PRKAR1B: variants seen among roughly 807,000 people sequenced by gnomAD.
PRKAR1B encodes the protein protein kinase cAMP-dependent type I regulatory subunit beta, also known as cAMP-dependent protein kinase type I-beta regulatory subunit.
Under a neutral mutation model 46.5 loss-of-function variants are expected in PRKAR1B, and 22 were observed. That is an observed-to-expected ratio of 0.47 (90% CI 0.34 to 0.68). The LOEUF (loss-of-function observed/expected upper bound fraction) is 0.68. Among genes scored for constraint, PRKAR1B ranks in the 30% least tolerant of loss-of-function variants. The pLI, the probability that PRKAR1B is intolerant of heterozygous loss-of-function variation, is 0.01. For synonymous variants in PRKAR1B, 259 were observed against 217.7 expected, an observed-to-expected ratio of 1.19 and a Z score of -1.67; for missense variants, 445 against 535.6, an observed-to-expected ratio of 0.83 and a Z score of 1.67.
intron 4 of PRKAR1B, among the ~76,000 whole-genome samples, chr7:648,760 T>C (rs1784746424): frequency 6.6e-6 from 1 of 151,984 alleles, no homozygotes. Flanking sequence ...CCAGCCTGGG[T>C]GACAAGAGTA....
chr7:619,422 C>G (rs944150098), intron 4 of PRKAR1B, among the ~76,000 whole-genome samples: 6 of 152,222 alleles, frequency 3.9e-5, no homozygotes, highest in Non-Finnish European at 8.8e-5. Context: ...TCACAACAAC[C>G]TTGTGGCATA....
intron 4 of PRKAR1B, among the ~76,000 whole-genome samples, chr7:625,030 A>T (rs1783308714): frequency 6.6e-6 from 1 of 152,230 alleles, no homozygotes; most frequent in African/African-American, 2.4e-5. Context: ...ATCCCTGAAC[A>T]AATGTAAAAG....
rs1377686546 is a variant in PRKAR1B at position 550,488 on chromosome 7, G to C, written c.1088C>G (p.Ser363Cys). 1 of 1,599,342 alleles carries C rather than the reference G, an allele frequency of 6.3e-7. No individual in the cohort carries two copies. ...PRFERVLGPC[S>C]EILKRNIQRY... The stretch of plus-strand genomic sequence containing the variant: ...CTGAATGTTCCTCTTGAGGATCTCA[G>C]AGCAGGGCCCCAGCACACGCTCGAA... Residue 363 changes from serine (S) to cysteine (C), a missense_variant, in exon 11 of 11, where the codon TCT (serine) becomes TGT (cysteine). Around this residue, in one of 5 missense-constraint regions of PRKAR1B, gnomAD observed 127 missense variants for 138.0 expected, o/e 0.92. Coordinates refer to ENST00000537384, the MANE Select transcript of PRKAR1B (RefSeq NM_001164760.2).
intron 1 of PRKAR1B, among the ~76,000 whole-genome samples, chr7:726,315 C>A (rs551337774): frequency 1.3e-5 from 2 of 152,198 alleles, no homozygotes; most frequent in Non-Finnish European, 2.9e-5. Context: ...CTTCCCAAAG[C>A]CAGAGGGGCT....
intron 7 of PRKAR1B, among the ~76,000 whole-genome samples, chr7:587,917 T>A (rs1780690497): frequency 1.3e-5 from 2 of 152,052 alleles, no homozygotes; most frequent in Admixed American, 1.3e-4. Flanking sequence ...CAAGCTCCAG[T>A]GAAATGGGGG....
At chr7:723,488 A>G (rs369309800) in intron 1 of PRKAR1B, among the ~76,000 whole-genome samples, 1 of 152,100 alleles carries the variant, frequency 6.6e-6, no homozygotes, top group South Asian at 2.1e-4. Context: ...CCGTCTGTCA[A>G]CTCTCAAGCT....
intron 9 of PRKAR1B, among the ~76,000 whole-genome samples, chr7:571,386 G>A (rs1442082821): frequency 6.6e-6 from 1 of 152,334 alleles, no homozygotes; most frequent in East Asian, 1.9e-4. Context: ...AGCGACCCGT[G>A]GATTTTGAAC....
rs534730137 is a variant in PRKAR1B at position 612,716 on chromosome 7, C to A, written c.441-5264G>T. 1.2e-4 allele frequency among the ~76,000 whole-genome samples: 18 copies of A among 152,320 alleles called. No homozygotes were observed. In the South Asian group the frequency reaches 2.3e-3, roughly 19 times the overall value. ...CAAATATCAAAAGCTGCTGGAGTGG[C>A]CACCCTTGGGACCCTCAGTTCCACA... On this transcript the variant is annotated intron_variant, in intron 4 of 10. Transcript: ENST00000537384.
intron 4 of PRKAR1B, among the ~76,000 whole-genome samples, chr7:630,586 G>A (rs940160356): frequency 7.9e-5 from 12 of 152,228 alleles, no homozygotes; most frequent in Admixed American, 2.6e-4. Flanking sequence ...TCTAAGTGAA[G>A]AGACATAGCT....
chr7:570,126 C>T (rs558472553), intron 9 of PRKAR1B, among the ~76,000 whole-genome samples: 11 of 152,226 alleles, frequency 7.2e-5, no homozygotes, highest in Admixed American at 2.6e-4. Flanking sequence ...AGGCCAAGCC[C>T]GGCACCTCGG....
chr7:650,729 G>A (rs1562589395), intron 4 of PRKAR1B, among the ~76,000 whole-genome samples: 1 of 152,222 alleles, frequency 6.6e-6, no homozygotes, highest in Non-Finnish European at 1.5e-5. Flanking sequence ...AGCTCAGAGA[G>A]GTCATGTCAT....
At position 549,857 on chromosome 7, in the gene PRKAR1B, C is replaced by T. The variant is rs1394327582; in HGVS notation, c.*573G>A. 2 of 155,930 alleles carry T rather than the reference C, an allele frequency of 1.3e-5. No individual in the cohort carries two copies. Among genetic ancestry groups the T allele is most frequent in the Admixed American group, 1.2e-4 (2 of 16,266 alleles). 9.7% of individuals were successfully genotyped at this position (155,930 alleles called of 1,614,324 possible). A position where few individuals can be genotyped will look rare whatever the true frequency, so the allele number is the denominator to read the frequency against. ...TCAGAGACTCTCCCACTCCGGCATCCGCAGCAGGGCCCCCGGGGGAGGTGG... is the reference window on the plus strand; with the variant it reads ...TCAGAGACTCTCCCACTCCGGCATCTGCAGCAGGGCCCCCGGGGGAGGTGG... On this transcript the variant is annotated 3_prime_UTR_variant, in exon 11 of 11. Transcript: ENST00000537384.
chr7:640,205 A>T (rs1318479800), intron 4 of PRKAR1B, among the ~76,000 whole-genome samples: 1 of 152,098 alleles, frequency 6.6e-6, no homozygotes, highest in Non-Finnish European at 1.5e-5. Context: ...CAAAATAAAA[A>T]TTTTTGCACT....
intron 4 of PRKAR1B, among the ~76,000 whole-genome samples, chr7:671,201 T>C (rs1786236732): frequency 1.3e-5 from 2 of 150,564 alleles, no homozygotes; most frequent in South Asian, 4.3e-4. Flanking sequence ...TTCATCGAGC[T>C]CCGCAGAATT....
intron 4 of PRKAR1B, among the ~76,000 whole-genome samples, chr7:612,624 G>C (rs1782586129): frequency 6.6e-6 from 1 of 152,130 alleles, no homozygotes; most frequent in Admixed American, 6.5e-5. Flanking sequence ...AGGGAAAAGT[G>C]AATGAAAAAA....
rs1002372213 is a variant in PRKAR1B at position 644,909 on chromosome 7, C to G, written c.440+32320G>C. Among the ~76,000 whole-genome samples the G allele has an allele frequency of 6.6e-6, 1 of 152,208 alleles. No homozygotes were observed. Among genetic ancestry groups the G allele is most frequent in the African/African-American group, 2.4e-5 (1 of 41,458 alleles). On this transcript the variant is annotated intron_variant, in intron 4 of 10. Transcript: ENST00000537384. This position sits in a 1 kb window ranked among gnomAD's most constrained non-coding sequence, Gnocchi z 4.9. ...TCAGAGGCCGCCCAGGCCACCCCGT[C>G]TCACGATGGGGAGATGTGAGACCCT...
At chr7:615,619 C>T (rs546086403) in intron 4 of PRKAR1B, among the ~76,000 whole-genome samples, 7 of 151,144 alleles carry the variant, frequency 4.6e-5, no homozygotes, top group East Asian at 2.0e-4. Context: ...GGGCGGATCA[C>T]GAGGTCAGGA....
intron 9 of PRKAR1B, among the ~76,000 whole-genome samples, chr7:575,847 G>A (rs1272534535): frequency 6.6e-6 from 1 of 152,172 alleles, no homozygotes; most frequent in African/African-American, 2.4e-5. Context: ...CAAAGTGCTG[G>A]GATTACAGCA....
At chr7:561,049 T>C (rs1778755406) in intron 9 of PRKAR1B, among the ~76,000 whole-genome samples, 1 of 151,794 alleles carries the variant, frequency 6.6e-6, no homozygotes, top group Admixed American at 6.6e-5. Flanking sequence ...TACACACAGA[T>C]GCATATTTGT....
Sources: allele counts gnomAD v4.1 joint callset (sites outside exome capture counted in the v4.1 genomes callset), GRCh38; gene constraint gnomAD v4.1.1; regional missense constraint gnomAD v4.1.1; non-coding constraint Gnocchi (gnomAD v3.1); transcripts MANE v1.5; gene names NCBI Gene and HGNC (gene_info 2026-07-23, HGNC 2026-07-21).